The following SLC25A20 variants were observed in gnomAD, a reference collection of about 807,000 sequenced individuals.
SLC25A20 encodes mitochondrial carnitine/acylcarnitine carrier protein.
Under a neutral mutation model 39.7 loss-of-function variants are expected in SLC25A20, and 29 were observed. The observed-to-expected ratio is 0.73, with a 90% CI of 0.54 to 1.00. SLC25A20 has a LOEUF of 1.00. SLC25A20 is among the 50% of genes least tolerant of loss of function. The pLI is 0.00. For synonymous variants in SLC25A20, 103 were observed against 142.2 expected, an observed-to-expected ratio of 0.72 and a Z score of 1.96; for missense variants, 333 against 379.9, an observed-to-expected ratio of 0.88 and a Z score of 1.03.
At chr3:48,890,804 G>A (rs865984227) in intron 2 of SLC25A20, among the ~76,000 whole-genome samples, 3 of 151,026 alleles carry the variant, frequency 2.0e-5, no homozygotes, top group African/African-American at 4.9e-5. Flanking sequence ...ACAGGTGCCC[G>A]CCACGACGTC....
chr3:48,875,252 G>C (rs916113977), intron 4 of SLC25A20, among the ~76,000 whole-genome samples: 9 of 150,374 alleles, frequency 6.0e-5, no homozygotes, highest in Admixed American at 2.0e-4. Context: ...ACAGACGCCT[G>C]CTACCACACC....
chr3:48,883,946 T>A, intron 3 of SLC25A20, 51 bp downstream of exon 3: 1 of 1,606,492 alleles, frequency 6.2e-7, no homozygotes, highest in Non-Finnish European at 8.5e-7. Flanking sequence ...TTTTAACCCA[T>A]GTCACGCTAC....
At chr3:48,889,850 T>C (rs944583506) in intron 2 of SLC25A20, among the ~76,000 whole-genome samples, 1 of 152,228 alleles carries the variant, frequency 6.6e-6, no homozygotes, top group Non-Finnish European at 1.5e-5. Context: ...ATTACTAATA[T>C]AAACAAGAAA....
At chr3:48,862,329 T>C (rs562124128) in intron 5 of SLC25A20, among the ~76,000 whole-genome samples, 3 of 152,320 alleles carry the variant, frequency 2.0e-5, no homozygotes, top group African/African-American at 7.2e-5. Context: ...ATGCCATGAC[T>C]TCTACCCCTG....
At chr3:48,883,290 C>T (rs1012816632) in intron 3 of SLC25A20, among the ~76,000 whole-genome samples, 3 of 149,294 alleles carry the variant, frequency 2.0e-5, no homozygotes, top group African/African-American at 4.9e-5. Context: ...CAGTGGCACA[C>T]GCCTGAAATC....
At chr3:48,863,513 T>C (rs1485502990) in intron 4 of SLC25A20, among the ~76,000 whole-genome samples, 4 of 151,976 alleles carry the variant, frequency 2.6e-5, no homozygotes, top group Non-Finnish European at 5.9e-5. Context: ...GCAGGGGTAA[T>C]CCCAGGAAAG....
intron 6 of SLC25A20, 101 bp downstream of exon 6, chr3:48,859,454 G>A (rs1327047389): frequency 1.9e-5 from 20 of 1,027,730 alleles, no homozygotes; most frequent in Non-Finnish European, 2.9e-5. Flanking sequence ...AGCAGACATG[G>A]AGCCAGGAAC....
chr3:48,875,284 G>A (rs928391114), intron 4 of SLC25A20, among the ~76,000 whole-genome samples: 12 of 151,718 alleles, frequency 7.9e-5, no homozygotes, highest in African/African-American at 1.9e-4. Context: ...TGTATTTTTC[G>A]TAGAGACAGG....
intron 4 of SLC25A20, among the ~76,000 whole-genome samples, chr3:48,869,308 C>T (rs1434417797): frequency 6.6e-6 from 1 of 152,138 alleles, no homozygotes; most frequent in Non-Finnish European, 1.5e-5. Flanking sequence ...GATTTTAAAG[C>T]AGCCATGATA....
At chr3:48,882,154 A>T (rs2083800160) in intron 3 of SLC25A20, among the ~76,000 whole-genome samples, 1 of 151,998 alleles carries the variant, frequency 6.6e-6, no homozygotes, top group African/African-American at 2.4e-5. Context: ...ATACCTTTTC[A>T]CCCAATATTT....
chr3:48,879,593 C>T (rs1307968132), intron 3 of SLC25A20, 145 bp from the exon 4 acceptor site: 6 of 699,416 alleles, frequency 8.6e-6, no homozygotes, highest in Non-Finnish European at 7.8e-6. Flanking sequence ...AATCAGATTT[C>T]GCACAAAAAC....
At position 48,884,140 on chromosome 3, in the gene SLC25A20, G is replaced by T; in HGVS notation, c.199-16C>A. 1 of 1,612,968 alleles carries T rather than the reference G, an allele frequency of 6.2e-7. No individual in the cohort carries two copies. Among genetic ancestry groups the T allele is most frequent in the South Asian group, 1.1e-5 (1 of 91,048 alleles). On this transcript the variant is annotated splice_polypyrimidine_tract_variant and intron_variant, in intron 2 of 8. Transcript: ENST00000319017. ...CCGTGATGCCCTGCAAGGAATCACA[G>T]AAGCAGAAGCTGTTTACAGACACCA...
intron 2 of SLC25A20, among the ~76,000 whole-genome samples, chr3:48,891,701 T>C (rs1337038794): frequency 6.6e-6 from 1 of 152,132 alleles, no homozygotes; most frequent in African/African-American, 2.4e-5. Context: ...ATTTCACATC[T>C]CAATTATTAC....
chr3:48,898,350 C>T (rs951881633), intron 1 of SLC25A20, among the ~76,000 whole-genome samples: 1 of 152,206 alleles, frequency 6.6e-6, no homozygotes, highest in Admixed American at 6.5e-5. Context: ...TCAACCTTAA[C>T]GATAATATTA....
intron 2 of SLC25A20, among the ~76,000 whole-genome samples, chr3:48,887,919 A>G (rs1267233888): frequency 1.3e-5 from 2 of 151,378 alleles, no homozygotes; most frequent in African/African-American, 4.9e-5. Context: ...GAAGAAGAAG[A>G]AAGGGCAGGC....
At chr3:48,866,650 G>A (rs2083671586) in intron 4 of SLC25A20, among the ~76,000 whole-genome samples, 1 of 152,190 alleles carries the variant, frequency 6.6e-6, no homozygotes, top group Admixed American at 6.6e-5. Flanking sequence ...AGAAATTGGT[G>A]TGGAAAAGAC....
intron 4 of SLC25A20, among the ~76,000 whole-genome samples, chr3:48,866,109 G>A (rs911994869): frequency 6.6e-6 from 1 of 151,632 alleles, no homozygotes; most frequent in Non-Finnish European, 1.5e-5. Flanking sequence ...ACTCCAGCCT[G>A]GCGACAGAGC....
intron 4 of SLC25A20, among the ~76,000 whole-genome samples, chr3:48,867,434 TA>T (rs2083680214): frequency 6.8e-6 from 1 of 146,570 alleles, no homozygotes. Flanking sequence ...TTTGTATTTT[TA>T]GTAGAGATGG....
At chr3:48,896,806 C>T (rs2083912592) in intron 1 of SLC25A20, among the ~76,000 whole-genome samples, 1 of 152,012 alleles carries the variant, frequency 6.6e-6, no homozygotes, top group Admixed American at 6.6e-5. Context: ...GGCATGAGCC[C>T]ACCGTGACCG....
Sources: gnomAD v4.1 joint callset for allele counts (sites outside exome capture counted in the v4.1 genomes callset) on GRCh38, gnomAD v4.1.1 for gene constraint, MANE v1.5 for transcripts, NCBI Gene and HGNC (gene_info 2026-07-23, HGNC 2026-07-21) for gene names.